The following RPH3A variants were observed in gnomAD, a reference collection of about 807,000 sequenced individuals.
RPH3A encodes rabphilin-3A.
In RPH3A, 48 loss-of-function variants were observed where a neutral mutation model predicts 102.2. The observed-to-expected ratio is 0.47, with a 90% CI of 0.37 to 0.60. The LOEUF (loss-of-function observed/expected upper bound fraction) is 0.60, where lower values mean the gene tolerates loss of function less well. Ranked by LOEUF, RPH3A falls within the 20% of genes least tolerant of loss-of-function variation. RPH3A has a pLI of 0.00. For synonymous variants in RPH3A, 310 were observed against 324.3 expected (o/e 0.96, Z 0.47); for missense variants, 781 against 910.1 (o/e 0.86, Z 1.83).
intron 1 of RPH3A, among the ~76,000 whole-genome samples, chr12:112,750,214 C>G (rs2040777325): frequency 6.6e-6 from 1 of 152,124 alleles, no homozygotes; most frequent in South Asian, 2.1e-4. Flanking sequence ...ATGCAGTGGA[C>G]TTTGTAGTTG....
intron 1 of RPH3A, among the ~76,000 whole-genome samples, chr12:112,715,034 C>T (rs910030697): frequency 2.6e-5 from 4 of 152,202 alleles, no homozygotes; most frequent in African/African-American, 4.8e-5. Flanking sequence ...CTAATCTACA[C>T]CGATTTCTCC....
In RPH3A at chr12:112,869,967, A is replaced by T; in HGVS notation, c.724A>T (p.Ser242Cys). Reference sequence around the variant, plus strand: ...GCGCAGGGCCTCCGAGGCACGAATGAGCTCATCTAGCCGAGATTCAGAGAG... The same window carrying T: ...GCGCAGGGCCTCCGAGGCACGAATGTGCTCATCTAGCCGAGATTCAGAGAG... ...PVRRASEARM[S>C]SSSRDSESWD... The change falls in exon 10 of 22, where the codon AGC becomes TGC. Residue 242 changes from serine (S) to cysteine (C), a missense_variant. Ser to Cys is a moderately radical substitution (Grantham distance 112, BLOSUM62 -1). Coordinates refer to ENST00000389385, the MANE Select transcript of RPH3A (RefSeq NM_001143854.2). 1 of 1,614,142 alleles carries T rather than the reference A, an allele frequency of 6.2e-7. No individual in the cohort carries two copies. Among genetic ancestry groups the T allele is most frequent in the East Asian group, 2.2e-5 (1 of 44,872 alleles).
chr12:112,782,674 T>C (rs1206447050), intron 1 of RPH3A, among the ~76,000 whole-genome samples: 3 of 152,128 alleles, frequency 2.0e-5, no homozygotes, highest in East Asian at 3.9e-4. Context: ...ATGAATGGAG[T>C]CATCTTTTCT....
At chr12:112,731,891 C>T (rs1177616074) in intron 1 of RPH3A, among the ~76,000 whole-genome samples, 10 of 152,122 alleles carry the variant, frequency 6.6e-5, no homozygotes, top group African/African-American at 1.9e-4. Flanking sequence ...AGATGCCCCA[C>T]CTCCCCAAAA....
intron 1 of RPH3A, among the ~76,000 whole-genome samples, chr12:112,667,662 AAGAGAGAGAGAGAGAGAG>A (rs71086114): frequency 0.026 from 1,917 of 72,832 alleles, 47 homozygotes; most frequent in African/African-American, 0.041. Flanking sequence ...GAGATGAATA[AAGAGAGAGAGAGAGAGAG>A]AGAGAGAGAG....
intron 1 of RPH3A, among the ~76,000 whole-genome samples, chr12:112,780,401 CA>C (rs1354052674): frequency 6.7e-6 from 1 of 149,390 alleles, no homozygotes; most frequent in African/African-American, 2.5e-5. Context: ...CTGGAGGCCT[CA>C]TTTTTGTGAA....
At chr12:112,860,519 G>A (rs1015708280) in intron 5 of RPH3A, among the ~76,000 whole-genome samples, 4 of 152,212 alleles carry the variant, frequency 2.6e-5, no homozygotes, top group African/African-American at 9.7e-5. Context: ...GTGTGGGTTT[G>A]CAAGTGACGG....
intron 2 of RPH3A, among the ~76,000 whole-genome samples, chr12:112,826,396 T>C (rs953563881): frequency 5.9e-5 from 9 of 152,152 alleles, no homozygotes; most frequent in South Asian, 4.1e-4. Flanking sequence ...CAGGGAGCCA[T>C]TGAAGACTCT....
At chr12:112,651,548 G>A (rs946318441) in intron 1 of RPH3A, among the ~76,000 whole-genome samples, 2 of 152,138 alleles carry the variant, frequency 1.3e-5, no homozygotes, top group Non-Finnish European at 2.9e-5. Flanking sequence ...TTCAAATGCC[G>A]TGGAATACAT....
chr12:112,878,110 C>G (rs1322847897), intron 13 of RPH3A, among the ~76,000 whole-genome samples: 6 of 152,200 alleles, frequency 3.9e-5, no homozygotes, highest in Non-Finnish European at 8.8e-5. Flanking sequence ...GTGCCCTGTG[C>G]ACTCCCATGG....
intron 1 of RPH3A, among the ~76,000 whole-genome samples, chr12:112,772,352 T>G (rs954142236): frequency 3.9e-5 from 6 of 152,188 alleles, no homozygotes; most frequent in African/African-American, 1.4e-4. Context: ...GGCGAGGGGT[T>G]GTCCTGTACA....
chr12:112,662,985 G>T (rs972913555), intron 1 of RPH3A, among the ~76,000 whole-genome samples: 2 of 151,498 alleles, frequency 1.3e-5, no homozygotes, highest in African/African-American at 2.4e-5. Flanking sequence ...TAAGCTAGAA[G>T]AATATGAACA....
chr12:112,602,290 C>T (rs932776750), intron 1 of RPH3A, among the ~76,000 whole-genome samples: 1 of 152,156 alleles, frequency 6.6e-6, no homozygotes, highest in African/African-American at 2.4e-5. Context: ...TCTAACAAAG[C>T]CCTCTGCCTT....
At chr12:112,670,521 G>T (rs2040120371) in intron 1 of RPH3A, among the ~76,000 whole-genome samples, 1 of 152,078 alleles carries the variant, frequency 6.6e-6, no homozygotes, top group African/African-American at 2.4e-5. Flanking sequence ...TTACTATGTA[G>T]CAGACCACCC....
chr12:112,629,946 G>T (rs1049958727), intron 1 of RPH3A, among the ~76,000 whole-genome samples: 1 of 152,078 alleles, frequency 6.6e-6, no homozygotes, highest in African/African-American at 2.4e-5. Flanking sequence ...AGGCTCAGAG[G>T]TGTTTGTAAT....
chr12:112,805,803 C>T (rs1200350022), intron 2 of RPH3A, among the ~76,000 whole-genome samples: 1 of 152,182 alleles, frequency 6.6e-6, no homozygotes, highest in African/African-American at 2.4e-5. Flanking sequence ...CCTCAATCAA[C>T]ATATAATTAT....
At chr12:112,891,212 C>G (rs1176744862) in intron 19 of RPH3A, 2 of 589,114 alleles carry the variant, frequency 3.4e-6, no homozygotes, top group Middle Eastern at 4.5e-4. Flanking sequence ...GTCACTTGCC[C>G]ACAGGCAAAG....
intron 1 of RPH3A, among the ~76,000 whole-genome samples, chr12:112,610,704 T>A (rs2039633465): frequency 6.6e-6 from 1 of 152,016 alleles, no homozygotes; most frequent in Admixed American, 6.6e-5. Context: ...TGATCTTGGC[T>A]CACTGCAAGC....
chr12:112,578,407 A>C (rs1053137973), intron 1 of RPH3A, among the ~76,000 whole-genome samples: 3 of 152,206 alleles, frequency 2.0e-5, no homozygotes, highest in Non-Finnish European at 2.9e-5. Context: ...ACTAATAATG[A>C]GTCTTCAAAA....
Sources: gnomAD v4.1 joint callset for allele counts (sites outside exome capture counted in the v4.1 genomes callset) on GRCh38, gnomAD v4.1.1 for gene constraint, MANE v1.5 for transcripts, NCBI Gene and HGNC (gene_info 2026-07-23, HGNC 2026-07-21) for gene names.